The following BID variants were observed in gnomAD, a reference collection of about 807,000 sequenced individuals.
BID encodes BH3-interacting domain death agonist.
In BID, 19 loss-of-function variants were observed where a neutral mutation model predicts 17.4. That is an observed-to-expected ratio of 1.09 (90% CI 0.76 to 1.60). The LOEUF (loss-of-function observed/expected upper bound fraction) is 1.60. Ranked by LOEUF, BID falls within the 40% of genes most tolerant of loss-of-function variation. The pLI is 0.00. For missense variants in BID, 226 were observed against 256.0 expected (o/e 0.88, Z 0.80); for synonymous variants, 108 against 102.8 (o/e 1.05, Z -0.31).
chr22:17,750,033 T>TG, intron 2 of BID, 72 bp downstream of exon 2: 4 of 1,443,942 alleles, frequency 2.8e-6, no homozygotes. Flanking sequence ...GGATGCGTGG[T>TG]GGGGGACACG....
Position 17,739,462 on chromosome 22 carries a change from G to T in BID, c.250C>A (p.Arg84=). 2.5e-6 allele frequency: 4 copies of T among 1,612,376 alleles called. No homozygotes were observed. The highest frequency in any genetic ancestry group is 3.4e-6 in the Non-Finnish European group (4 of 1,179,780). ...ADSESQEDII[R]NIARHLAQVG... ...TGGGCGAGGTGCCTGGCAATATTCC[G>T]GATGATGTCTTCTTGACTTTCAGAA... The change falls in exon 4 of 6, where the codon CGG becomes AGG. Residue 84 remains arginine, a synonymous_variant. Coordinates refer to ENST00000622694, the MANE Select transcript of BID (RefSeq NM_001196.4).
At chr22:17,745,400 C>T (rs542388754) in intron 2 of BID, among the ~76,000 whole-genome samples, 1 of 152,238 alleles carries the variant, frequency 6.6e-6, no homozygotes, top group Admixed American at 6.5e-5. Flanking sequence ...CTAGGTGATG[C>T]CTGTAATCCC....
chr22:17,752,665 T>C (rs1457576662), intron 1 of BID, among the ~76,000 whole-genome samples: 1 of 121,042 alleles, frequency 8.3e-6, no homozygotes, highest in Non-Finnish European at 1.7e-5. Context: ...AGTACCCCAA[T>C]GGGACATTTT....
At position 17,735,202 on chromosome 22, in the gene BID, A is replaced by G. The variant is rs146895750; in HGVS notation, c.*378T>C. 4.6e-6 allele frequency: 1 copy of G among 218,770 alleles called. No homozygotes were observed. Among genetic ancestry groups the G allele is most frequent in the African/African-American group, 2.3e-5 (1 of 42,674 alleles). The allele number at this position is 218,770 out of a possible 1,614,324, so 13.6% of individuals were successfully genotyped here. On this transcript the variant is annotated 3_prime_UTR_variant, in exon 6 of 6. Transcript: ENST00000622694. ...TATGGTTGTACTTTAATAAACAGTA[A>G]TTTTTTTTTACCAAAAAAATTGTAT... is the stretch of plus-strand genomic sequence containing the variant.
Position 17,773,923 on chromosome 22 carries a change from G to T in BID, c.-59+458C>A. 1 of 583,988 alleles carries T rather than the reference G, an allele frequency of 1.7e-6. No homozygotes were observed. The highest frequency in any genetic ancestry group is 2.0e-5 in the South Asian group (1 of 50,162). The allele number at this position is 583,988 out of a possible 1,614,324, so 36.2% of individuals were successfully genotyped here. On this transcript the variant is annotated intron_variant, in intron 1 of 5. Coordinates refer to ENST00000622694, the MANE Select transcript of BID (RefSeq NM_001196.4). This position sits in a 1 kb window ranked among gnomAD's most constrained non-coding sequence, Gnocchi z 4.4. ...GAGCTCCGCTCGGGAGGAGCCGGCA[G>T]GTGTCTGCGGTGCTGGAAAGACCAC...
chr22:17,754,851 G>A (rs1472604259), intron 1 of BID, among the ~76,000 whole-genome samples: 3 of 152,102 alleles, frequency 2.0e-5, no homozygotes, highest in East Asian at 1.9e-4. Flanking sequence ...TGCAACCTCC[G>A]CCTCCCAGAT....
intron 3 of BID, chr22:17,740,111 C>G: frequency 8.6e-7 from 1 of 1,166,160 alleles, no homozygotes; most frequent in South Asian, 1.3e-5. Flanking sequence ...AGGCCACGCT[C>G]AACTGCCACG....
intron 3 of BID, among the ~76,000 whole-genome samples, chr22:17,741,626 C>CGG (rs1043695320): frequency 7.2e-5 from 11 of 152,086 alleles, no homozygotes; most frequent in African/African-American, 2.2e-4. Flanking sequence ...GCACCCGCCA[C>CGG]CCCGCCTGGC....
In BID at chr22:17,755,710, G is replaced by A. The variant is rs183057177; in HGVS notation, c.-58-5536C>T. ...AGCTACTCAGGAGGCTAAGGCAGAAGAATCACTTGAACCTGGGAGGCGGGG... is the reference window on the plus strand; with the variant it reads ...AGCTACTCAGGAGGCTAAGGCAGAAAAATCACTTGAACCTGGGAGGCGGGG... On this transcript the variant is annotated intron_variant, in intron 1 of 5. Coordinates refer to ENST00000622694, the MANE Select transcript of BID (RefSeq NM_001196.4). 3.3e-3 allele frequency among the ~76,000 whole-genome samples: 491 copies of A among 149,736 alleles called. 1 individual carries two copies. The highest frequency in any genetic ancestry group is 0.012 in the African/African-American group (472 of 40,692).
At chr22:17,757,762 G>C (rs1401060722) in intron 1 of BID, among the ~76,000 whole-genome samples, 6 of 151,960 alleles carry the variant, frequency 3.9e-5, no homozygotes, top group African/African-American at 1.5e-4. Flanking sequence ...TTCTCCTGTA[G>C]TGCCTGTGCG....
At chr22:17,753,054 C>T (rs1000613175) in intron 1 of BID, among the ~76,000 whole-genome samples, 1 of 149,022 alleles carries the variant, frequency 6.7e-6, no homozygotes, top group Non-Finnish European at 1.5e-5. Context: ...GCAAGCTCCG[C>T]CTCCCGGGTT....
At chr22:17,737,235 C>A (rs1039513947) in intron 5 of BID, among the ~76,000 whole-genome samples, 6 of 152,220 alleles carry the variant, frequency 3.9e-5, no homozygotes, top group African/African-American at 1.4e-4. Flanking sequence ...CAGGCTTGAG[C>A]CACCATGCCC....
chr22:17,756,479 TCTTTCTTTC>T (rs1569047893), intron 1 of BID, among the ~76,000 whole-genome samples: 15 of 100,982 alleles, frequency 1.5e-4, no homozygotes, highest in African/African-American at 3.8e-4. Context: ...TTCTTTCTTT[TCTTTCTTTC>T]TTTCTTTCTC....
At chr22:17,743,240 G>A (rs2061473116) in intron 3 of BID, among the ~76,000 whole-genome samples, 1 of 152,254 alleles carries the variant, frequency 6.6e-6, no homozygotes, top group African/African-American at 2.4e-5. Flanking sequence ...TGAAACCAGT[G>A]GGCCTCAATC....
rs2061433128 is a variant in BID at position 17,738,156 on chromosome 22, T to G, written c.437A>C (p.Lys146Thr). 1.2e-6 allele frequency: 2 copies of G among 1,613,770 alleles called. No individual in the cohort carries two copies. Among genetic ancestry groups the G allele is most frequent in the South Asian group, 2.2e-5 (2 of 91,062 alleles). The change falls in exon 5 of 6, where the codon AAG (lysine) becomes ACG (threonine). Residue 146 changes from lysine (K) to threonine (T), a missense_variant. Lys to Thr is a moderately conservative substitution (Grantham distance 78, BLOSUM62 -1). Transcript: ENST00000622694. Reference protein sequence around the residue: ...QAYPRDMEKEKTMLVLALLLA... With the variant: ...QAYPRDMEKETTMLVLALLLA... ...CAGCAGGGCCAGCACCAGCATGGTC[T>G]TCTCCTTCTCCATGTCTCTAGGGTA...
chr22:17,742,870 G>A (rs1308740050), intron 3 of BID, among the ~76,000 whole-genome samples: 2 of 152,274 alleles, frequency 1.3e-5, no homozygotes, highest in Non-Finnish European at 2.9e-5. Flanking sequence ...CTCCACTCGG[G>A]ACAGCCCCTG....
At chr22:17,767,999 A>T (rs1211204210) in intron 1 of BID, among the ~76,000 whole-genome samples, 1 of 152,218 alleles carries the variant, frequency 6.6e-6, no homozygotes, top group Non-Finnish European at 1.5e-5. Flanking sequence ...CATGAGTTGA[A>T]AATATGCTAC....
At chr22:17,740,226 G>A in intron 3 of BID, 1 of 1,539,830 alleles carries the variant, frequency 6.5e-7, no homozygotes, top group Non-Finnish European at 8.9e-7. Context: ...AATCTGTTTT[G>A]TCCACTGACA....
intron 3 of BID, among the ~76,000 whole-genome samples, chr22:17,743,526 A>G (rs913038673): frequency 6.6e-6 from 1 of 152,256 alleles, no homozygotes; most frequent in Non-Finnish European, 1.5e-5. Flanking sequence ...ATGTTGGTCC[A>G]GACAAGGGAC....
Sources: allele counts gnomAD v4.1 joint callset (sites outside exome capture counted in the v4.1 genomes callset), GRCh38; gene constraint gnomAD v4.1.1; non-coding constraint Gnocchi (gnomAD v3.1); transcripts MANE v1.5; gene names NCBI Gene and HGNC (gene_info 2026-07-23, HGNC 2026-07-21).